The following GPHN variants were observed in gnomAD, a reference collection of about 807,000 sequenced individuals.
The protein encoded by GPHN is gephyrin.
In GPHN, 17 loss-of-function variants were observed where a neutral mutation model predicts 95.5. The observed-to-expected ratio is 0.18, with a 90% CI of 0.12 to 0.27. The LOEUF is 0.27. Among genes scored for constraint, GPHN ranks in the 10% least tolerant of loss-of-function variants. The pLI is 1.00. For synonymous variants in GPHN, 320 were observed against 322.5 expected (o/e 0.99, Z 0.08); for missense variants, 660 against 978.1 (o/e 0.67, Z 4.34).
intron 4 of GPHN, among the ~76,000 whole-genome samples, chr14:66,833,502 C>G (rs562898757): frequency 6.6e-6 from 1 of 152,068 alleles, no homozygotes; most frequent in Non-Finnish European, 1.5e-5. Context: ...TCCTTGGAAA[C>G]GAGAATTCAT....
rs2083291226 is a variant in GPHN, at chr14:67,180,790, G to A, written c.2177-14G>A. On this transcript the variant is annotated splice_polypyrimidine_tract_variant and intron_variant, in intron 22 of 22. Coordinates refer to ENST00000478722, the MANE Select transcript of GPHN (RefSeq NM_020806.5). Reference sequence around the variant, plus strand: ...TGATGCTTATGCTGCTGTAATAAGAGTATTTCTTTCTAGGTAATCAAATGA... The same window carrying A: ...TGATGCTTATGCTGCTGTAATAAGAATATTTCTTTCTAGGTAATCAAATGA... 1.2e-6 allele frequency: 2 copies of A among 1,612,610 alleles called. No individual in the cohort carries two copies. Among genetic ancestry groups the A allele is most frequent in the Non-Finnish European group, 1.7e-6 (2 of 1,179,172 alleles).
chr14:67,663,674 AAAAT>A, the GPHN span, among the ~76,000 whole-genome samples: 2 of 152,304 alleles, frequency 1.3e-5, no homozygotes, highest in African/African-American at 2.4e-5. Flanking sequence ...ACTCCATTTC[AAAAT>A]AAATAAATAA....
chr14:66,770,510 A>G (rs1276819295), intron 2 of GPHN, among the ~76,000 whole-genome samples: 1 of 152,176 alleles, frequency 6.6e-6, no homozygotes, highest in East Asian at 1.9e-4. Flanking sequence ...ATAAACCATG[A>G]AAGTTACTGT....
At chr14:67,586,390 G>A in the GPHN span, 1 of 1,365,710 alleles carries the variant, frequency 7.3e-7, no homozygotes, top group Admixed American at 2.2e-5. Context: ...GCAGTCCTCA[G>A]TTGGGTGCTT....
At chr14:67,223,628 A>G in the GPHN span, 4 of 707,326 alleles carry the variant, frequency 5.7e-6, no homozygotes, top group Non-Finnish European at 6.9e-6. Context: ...GGGTGGCACA[A>G]CTTACAAAAT....
intron 2 of GPHN, among the ~76,000 whole-genome samples, chr14:66,729,557 A>C (rs1024396556): frequency 6.6e-6 from 1 of 152,184 alleles, no homozygotes; most frequent in Non-Finnish European, 1.5e-5. Context: ...GAAATTTGAG[A>C]TCTTTCTTGG....
chr14:67,347,003 T>C, the GPHN span, among the ~76,000 whole-genome samples: 3 of 152,222 alleles, frequency 2.0e-5, no homozygotes, highest in African/African-American at 7.2e-5. Flanking sequence ...TTTTTCTTTT[T>C]TGAGACAAGG....
chr14:67,324,978 G>C, the GPHN span, among the ~76,000 whole-genome samples: 35 of 140,120 alleles, frequency 2.5e-4, no homozygotes, highest in Middle Eastern at 4.5e-3. Context: ...AATCTCGGCT[G>C]ACTGCAAGCT....
At chr14:67,325,193 C>T in the GPHN span, among the ~76,000 whole-genome samples, 3 of 152,200 alleles carry the variant, frequency 2.0e-5, no homozygotes, top group African/African-American at 7.2e-5. Flanking sequence ...GCGTGAGCCA[C>T]CAGGCCCAGC....
At chr14:67,589,234 C>A in the GPHN span, 3 of 517,600 alleles carry the variant, frequency 5.8e-6, no homozygotes, top group Non-Finnish European at 7.5e-6. Flanking sequence ...TTCCCCCACC[C>A]TCTCTCCTCC....
At chr14:66,910,632 A>T (rs1377206863) in intron 5 of GPHN, among the ~76,000 whole-genome samples, 1 of 151,994 alleles carries the variant, frequency 6.6e-6, no homozygotes, top group Admixed American at 6.6e-5. Context: ...GTACACACAC[A>T]CATATGTATA....
At chr14:67,006,306 C>T (rs991019690) in intron 9 of GPHN, among the ~76,000 whole-genome samples, 4 of 152,020 alleles carry the variant, frequency 2.6e-5, no homozygotes, top group Non-Finnish European at 5.9e-5. Flanking sequence ...CTGTCTGCCT[C>T]AGGATACCAA....
At chr14:66,972,672 TTAAC>T (rs1167125320) in intron 9 of GPHN, among the ~76,000 whole-genome samples, 4 of 151,768 alleles carry the variant, frequency 2.6e-5, no homozygotes, top group South Asian at 2.1e-4. Context: ...TAAATTTAAT[TTAAC>T]TAATATTAAA....
intron 2 of GPHN, among the ~76,000 whole-genome samples, chr14:66,772,318 T>C (rs538170448): frequency 2.6e-5 from 4 of 152,224 alleles, no homozygotes; most frequent in Non-Finnish European, 5.9e-5. Flanking sequence ...TCCCATCTGA[T>C]TACTTAGATA....
At chr14:67,556,219 A>G in the GPHN span, among the ~76,000 whole-genome samples, 1 of 152,228 alleles carries the variant, frequency 6.6e-6, no homozygotes, top group Admixed American at 6.5e-5. Context: ...TCAGGAATCC[A>G]GGTTAAAGGA....
intron 8 of GPHN, among the ~76,000 whole-genome samples, chr14:66,964,517 G>A (rs935699859): frequency 1.3e-5 from 2 of 152,236 alleles, no homozygotes; most frequent in African/African-American, 4.8e-5. Context: ...GAATGCCTGG[G>A]ATTAGTAACA....
chr14:66,508,624 G>A, intron 1 of GPHN, 33 bp downstream of exon 1: 1 of 1,563,534 alleles, frequency 6.4e-7, no homozygotes, highest in Non-Finnish European at 8.8e-7. Flanking sequence ...GACCTATGAG[G>A]CTGCTGTCCC....
intron 9 of GPHN, among the ~76,000 whole-genome samples, chr14:66,995,971 T>G (rs2153607004): frequency 6.6e-6 from 1 of 152,324 alleles, no homozygotes; most frequent in South Asian, 2.1e-4. Context: ...TCATGGATTT[T>G]TTTTTAGCAA....
chr14:67,685,867 C>T, the GPHN span, among the ~76,000 whole-genome samples: 15,997 of 151,924 alleles, frequency 0.11, 922 homozygotes, highest in Middle Eastern at 0.21. Flanking sequence ...CTGCCCACCT[C>T]GGCCTCCCAA....
Sources: allele counts gnomAD v4.1 joint callset (sites outside exome capture counted in the v4.1 genomes callset), GRCh38; gene constraint gnomAD v4.1.1; transcripts MANE v1.5; gene names NCBI Gene and HGNC (gene_info 2026-07-23, HGNC 2026-07-21).